Variants in SBF2 observed in about 807,000 individuals in gnomAD.
The protein encoded by SBF2 is myotubularin-related protein 13.
A neutral mutation model predicts 225.2 loss-of-function variants in SBF2; 112 were observed. That is an observed-to-expected ratio of 0.50 (90% CI 0.43 to 0.58). SBF2 has a LOEUF of 0.58. SBF2 is among the 20% of genes least tolerant of loss of function. The pLI, the probability that SBF2 is intolerant of heterozygous loss-of-function variation, is 0.00. For synonymous variants in SBF2, 763 were observed against 773.3 expected (o/e 0.99, Z 0.22); for missense variants, 1,996 against 2,206.2 (o/e 0.90, Z 1.91).
chr11:10,304,057 G>C (rs560114658), intron 1 of SBF2, among the ~76,000 whole-genome samples: 1 of 152,144 alleles, frequency 6.6e-6, no homozygotes, highest in Non-Finnish European at 1.5e-5. Flanking sequence ...CTACCTGCAG[G>C]GTGACTTCCC....
intron 26 of SBF2, among the ~76,000 whole-genome samples, chr11:9,835,112 A>G (rs763803690): frequency 7.2e-5 from 11 of 152,198 alleles, no homozygotes; most frequent in Non-Finnish European, 1.5e-4. Context: ...CCCACTACTC[A>G]GAGCCTTCAG....
intron 2 of SBF2, among the ~76,000 whole-genome samples, chr11:10,109,187 GTA>G (rs58064960): frequency 1.4e-4 from 21 of 149,918 alleles, no homozygotes; most frequent in Admixed American, 3.3e-4. Flanking sequence ...AGGTATGTGT[GTA>G]TATATATATA....
chr11:10,274,717 C>T (rs545192346), intron 1 of SBF2, among the ~76,000 whole-genome samples: 31 of 147,916 alleles, frequency 2.1e-4, no homozygotes, highest in Admixed American at 8.1e-4. Flanking sequence ...TGCCACTGCA[C>T]TCCAGCCTGG....
chr11:9,828,025 T>C lies in SBF2; in HGVS notation c.3793+1331A>G, dbSNP rs1044954743. On this transcript the variant is annotated intron_variant, in intron 28 of 39. Coordinates refer to ENST00000256190, the MANE Select transcript of SBF2 (RefSeq NM_030962.4). The stretch of plus-strand genomic sequence containing the variant: ...TCAGAAGAGGGTAATTAAGAACAAT[T>C]TGAATCATAATTAATTGATTTAAAA... The C allele has an allele frequency of 1.3e-5, 8 of 634,688 alleles. No homozygotes were observed. The African/African-American group carries it at 1.3e-4, about 11-fold the overall frequency. The allele number at this position is 634,688 out of a possible 1,614,324, so 39.3% of individuals were successfully genotyped here.
chr11:10,285,958 A>G (rs1044395699), intron 1 of SBF2, among the ~76,000 whole-genome samples: 7 of 152,216 alleles, frequency 4.6e-5, no homozygotes, highest in Non-Finnish European at 8.8e-5. Flanking sequence ...ATTAGTCACC[A>G]GGAAAACGCA....
chr11:9,992,185 A>C (rs968574605), intron 12 of SBF2, among the ~76,000 whole-genome samples: 2 of 152,136 alleles, frequency 1.3e-5, no homozygotes, highest in Admixed American at 1.3e-4. Context: ...AATTATTTAA[A>C]ATTCAGTTGT....
chr11:10,170,431 C>T (rs1956139364), intron 2 of SBF2, among the ~76,000 whole-genome samples: 2 of 151,902 alleles, frequency 1.3e-5, no homozygotes, highest in South Asian at 2.1e-4. Flanking sequence ...GAAATGAGTT[C>T]CCTGTAGATA....
chr11:10,136,222 C>T (rs547816401), intron 2 of SBF2, among the ~76,000 whole-genome samples: 40 of 152,146 alleles, frequency 2.6e-4, no homozygotes, highest in African/African-American at 9.4e-4. Flanking sequence ...TCCACAAGGT[C>T]CCCCCCAACA....
chr11:10,133,122 ATTGGTGCACTC>A (rs1170440245), intron 2 of SBF2, among the ~76,000 whole-genome samples: 2 of 149,082 alleles, frequency 1.3e-5, no homozygotes, highest in African/African-American at 2.5e-5. Flanking sequence ...CAGAGTGTCG[ATTGGTGCACTC>A]ACAAACCTTG....
At chr11:10,008,234 G>A (rs1948286784) in intron 6 of SBF2, among the ~76,000 whole-genome samples, 1 of 152,114 alleles carries the variant, frequency 6.6e-6, no homozygotes, top group South Asian at 2.1e-4. Flanking sequence ...GGCCTTAATA[G>A]ATCAAGGCCC....
Position 9,967,961 on chromosome 11 carries a change from CTCTCTCTCTCTATATATA to C in SBF2, c.1600+362_1600+379del, listed in dbSNP as rs762202970. Among the ~76,000 whole-genome samples, 623 of 127,986 alleles carry C rather than the reference CTCTCTCTCTCTATATATA, an allele frequency of 4.9e-3. 4 individuals are homozygous for C. The highest frequency in any genetic ancestry group is 7.2e-3 in the Non-Finnish European group (440 of 60,792). The allele number at this position is 127,986 out of a possible 152,430, so 84.0% of individuals were successfully genotyped here. On this transcript the variant is annotated intron_variant, in intron 14 of 39. Transcript: ENST00000256190. ...TCTGTCTGTCTGTCTCTCTCTCTCTCTCTCTCTCTCTATATATATATATATATATAAAATATATATATA... is the reference window on the plus strand; with the variant it reads ...TCTGTCTGTCTGTCTCTCTCTCTCTCTATATATATATAAAATATATATATA...
At chr11:10,103,883 C>T (rs1158130929) in intron 2 of SBF2, among the ~76,000 whole-genome samples, 3 of 152,132 alleles carry the variant, frequency 2.0e-5, no homozygotes, top group South Asian at 2.1e-4. Context: ...ATAGCTGAGA[C>T]CAGCTTGGGC....
intron 24 of SBF2, chr11:9,843,885 T>G (rs1856352655): frequency 6.6e-6 from 1 of 152,216 alleles, no homozygotes. Context: ...TAGGTGTAAC[T>G]TAAACTCAAT....
intron 2 of SBF2, among the ~76,000 whole-genome samples, chr11:10,143,543 C>T (rs1452134328): frequency 2.6e-5 from 4 of 152,128 alleles, no homozygotes; most frequent in Non-Finnish European, 5.9e-5. Context: ...GAAAATAACA[C>T]TAATTACTAC....
chr11:9,947,776 T>C (rs1042628007), intron 16 of SBF2, among the ~76,000 whole-genome samples: 9 of 149,392 alleles, frequency 6.0e-5, no homozygotes, highest in Admixed American at 3.3e-4. Flanking sequence ...TGGCTACTAT[T>C]AAAAAAAAAA....
intron 2 of SBF2, among the ~76,000 whole-genome samples, chr11:10,151,244 C>T (rs1174679088): frequency 6.6e-6 from 1 of 152,152 alleles, no homozygotes; most frequent in African/African-American, 2.4e-5. Context: ...ATAATGCTAA[C>T]CAGAAAATCC....
chr11:9,997,180 G>A (rs6483878), intron 9 of SBF2, among the ~76,000 whole-genome samples: 144,325 of 152,184 alleles, frequency 0.95, 68,457 homozygotes, highest in African/African-American at 0.98. Flanking sequence ...TTTAAGAGGG[G>A]AAAAAATGTT....
chr11:10,161,184 C>CAAA (rs56779207), intron 2 of SBF2, among the ~76,000 whole-genome samples: 41 of 75,296 alleles, frequency 5.4e-4, no homozygotes, highest in African/African-American at 1.2e-3. Flanking sequence ...GACTCTGTCT[C>CAAA]AAAAAAAAAA....
At chr11:10,067,597 A>G (rs181735588) in intron 2 of SBF2, among the ~76,000 whole-genome samples, 136 of 152,278 alleles carry the variant, frequency 8.9e-4, no homozygotes, top group African/African-American at 3.1e-3. Flanking sequence ...GTACTAGAGT[A>G]AAGAAATGGA....
Sources: gnomAD v4.1 joint callset for allele counts (sites outside exome capture counted in the v4.1 genomes callset) on GRCh38, gnomAD v4.1.1 for gene constraint, MANE v1.5 for transcripts, NCBI Gene and HGNC (gene_info 2026-07-23, HGNC 2026-07-21) for gene names.